TRIO: variants seen among roughly 807,000 people sequenced by gnomAD.
The protein encoded by TRIO is triple functional domain protein.
TRIO carries 58 observed loss-of-function variants against 351.9 expected under a neutral mutation model. The observed-to-expected ratio is 0.16, with a 90% CI of 0.13 to 0.21. The LOEUF (loss-of-function observed/expected upper bound fraction) is 0.21. Ranked by LOEUF, TRIO falls within the 10% of genes least tolerant of loss-of-function variation. The pLI, the probability that TRIO is intolerant of heterozygous loss-of-function variation, is 1.00. For missense variants in TRIO, 3,201 were observed against 4,027.8 expected (o/e 0.79, Z 5.56); for synonymous variants, 1,758 against 1,595.7 (o/e 1.10, Z -2.42).
intron 41 of TRIO, among the ~76,000 whole-genome samples, chr5:14,477,581 C>T (rs1398321756): frequency 1.3e-5 from 2 of 152,206 alleles, no homozygotes; most frequent in Non-Finnish European, 2.9e-5. Context: ...CAGATAATTA[C>T]ATAGTTTTCT....
chr5:14,300,698 T>G (rs1737798573), intron 7 of TRIO, among the ~76,000 whole-genome samples: 1 of 152,210 alleles, frequency 6.6e-6, no homozygotes, highest in Non-Finnish European at 1.5e-5. Flanking sequence ...GACTGTAGTA[T>G]TATTGTCCTG....
chr5:14,175,797 G>A (rs2152131132), intron 1 of TRIO, among the ~76,000 whole-genome samples: 1 of 152,336 alleles, frequency 6.6e-6, no homozygotes, highest in Non-Finnish European at 1.5e-5. Flanking sequence ...CGCAAAATCT[G>A]TGCGAGTCAT....
chr5:14,152,360 T>TTTTC (rs1787890204), intron 1 of TRIO, among the ~76,000 whole-genome samples: 1 of 151,056 alleles, frequency 6.6e-6, no homozygotes, highest in Non-Finnish European at 1.5e-5. Context: ...ATTTCAGTTT[T>TTTTC]TTTGTTTGTT....
intron 41 of TRIO, 183 bp downstream of exon 41, chr5:14,477,146 C>G: frequency 1.8e-6 from 1 of 568,930 alleles, no homozygotes; most frequent in Non-Finnish European, 3.0e-6. Context: ...TACCTGCTTT[C>G]CCAGTCACCT....
Position 14,481,290 on chromosome 5 carries a change from T to TG in TRIO, c.6387+7dup. The TG allele has an allele frequency of 6.2e-7, 1 of 1,613,704 alleles. No homozygotes were observed. The highest frequency in any genetic ancestry group is 8.5e-7 in the Non-Finnish European group (1 of 1,179,884). ...TGGATACATCAGAATTAGAGGTACA[T>TG]GCATCAGCGGCTGTGGGCACCCAAA... On this transcript the variant is annotated splice_region_variant and intron_variant, in intron 44 of 56. Coordinates refer to ENST00000344204, the MANE Select transcript of TRIO (RefSeq NM_007118.4).
At chr5:14,412,089 G>A (rs2152384483) in intron 33 of TRIO, among the ~76,000 whole-genome samples, 1 of 151,464 alleles carries the variant, frequency 6.6e-6, no homozygotes, top group South Asian at 2.1e-4. Context: ...CCAGGTTCAA[G>A]TGATTCTCCT....
At chr5:14,318,279 CAAAA>C (rs759632595) in intron 9 of TRIO, among the ~76,000 whole-genome samples, 1 of 46,478 alleles carries the variant, frequency 2.2e-5, no homozygotes, top group Non-Finnish European at 4.1e-5. Flanking sequence ...GACTCTATCT[CAAAA>C]AAAAAAAAAA....
At chr5:14,217,534 A>G (rs1792300890) in intron 1 of TRIO, among the ~76,000 whole-genome samples, 1 of 152,230 alleles carries the variant, frequency 6.6e-6, no homozygotes, top group Non-Finnish European at 1.5e-5. Flanking sequence ...GCCAGCCACG[A>G]CAGCTGCAGC....
Position 14,316,482 on chromosome 5 carries a change from G to A in TRIO, c.1501-31G>A, listed in dbSNP as rs201310221. ...CACAGCCTAGGCCAAACCTCAGATC[G>A]TGAAGAATCACTCATTTCTTTTGTG... is the stretch of plus-strand genomic sequence containing the variant. On this transcript the variant is annotated intron_variant, in intron 8 of 56. Transcript: ENST00000344204. 2.5e-5 allele frequency: 40 copies of A among 1,610,556 alleles called. No homozygotes were observed. In the South Asian group the frequency reaches 3.2e-4, roughly 13 times the overall value.
chr5:14,463,314 T>C (rs1264648332), intron 36 of TRIO, among the ~76,000 whole-genome samples: 1 of 152,200 alleles, frequency 6.6e-6, no homozygotes, highest in Non-Finnish European at 1.5e-5. Context: ...CCATCTCCCC[T>C]CTGTGAGGTT....
rs754017032 is a variant in TRIO, at chr5:14,316,761, C to A, written c.1731+18C>A. On this transcript the variant is annotated intron_variant, in intron 9 of 56. Coordinates refer to ENST00000344204, the MANE Select transcript of TRIO (RefSeq NM_007118.4). The stretch of plus-strand genomic sequence containing the variant: ...TTCAGCAGGTCAGTTTCGCCTCATG[C>A]CCTTCTGCATGGGAAATGGCTTGTG... The A allele has an allele frequency of 2.3e-5, 37 of 1,603,794 alleles. No individual in the cohort carries two copies. The South Asian group carries it at 3.9e-4, about 17-fold the overall frequency.
At chr5:14,257,821 A>T (rs181842663) in intron 1 of TRIO, among the ~76,000 whole-genome samples, 1 of 152,388 alleles carries the variant, frequency 6.6e-6, no homozygotes, top group Admixed American at 6.5e-5. Context: ...TTAACAGAAT[A>T]CAATAATTTT....
chr5:14,143,960 C>G (rs1476956261), intron 1 of TRIO, 78 bp downstream of exon 1: 1 of 994,268 alleles, frequency 1.0e-6, no homozygotes, highest in Non-Finnish European at 1.2e-6. Flanking sequence ...CTGCCGAGCT[C>G]CGGCCACCGC....
In TRIO at chr5:14,143,569, GCCGCCGCCGCCCCCCGCCGC is replaced by G. The variant is rs1423196777; in HGVS notation, c.-154_-135del. 3.1e-5 allele frequency: 5 copies of G among 160,242 alleles called. No individual in the cohort carries two copies. The highest frequency in any genetic ancestry group is 6.4e-5 in the Non-Finnish European group (5 of 77,868). The allele number at this position is 160,242 out of a possible 1,614,324, so 9.9% of individuals were successfully genotyped here. On this transcript the variant is annotated 5_prime_UTR_variant, in exon 1 of 57. It removes the in-frame stop codon of an upstream open reading frame in the 5' UTR. Transcript: ENST00000344204. ...GTGGGCGCGCTCCTTGGGCCGAGCC[GCCGCCGCCGCCCCCCGCCGC>G]CCCGGGGCTCTGCGTCCGCGCGCCG...
intron 1 of TRIO, among the ~76,000 whole-genome samples, chr5:14,220,388 A>G (rs1004680589): frequency 1.3e-5 from 2 of 152,172 alleles, no homozygotes; most frequent in African/African-American, 4.8e-5. Context: ...TTGAGACACA[A>G]CGATATTGAA....
chr5:14,298,854 T>G (rs911373280), intron 7 of TRIO, among the ~76,000 whole-genome samples: 1 of 152,224 alleles, frequency 6.6e-6, no homozygotes, highest in Admixed American at 6.5e-5. Context: ...AAACAACTTT[T>G]TAAAGTAACA....
intron 34 of TRIO, among the ~76,000 whole-genome samples, chr5:14,456,828 C>A (rs1343064336): frequency 1.3e-5 from 2 of 152,160 alleles, no homozygotes; most frequent in African/African-American, 4.8e-5. Context: ...ATTTAGTGGG[C>A]AAAGTCTATA....
intron 1 of TRIO, among the ~76,000 whole-genome samples, chr5:14,217,821 A>G (rs1399687170): frequency 6.6e-6 from 1 of 152,190 alleles, no homozygotes; most frequent in Non-Finnish European, 1.5e-5. Flanking sequence ...GGGCATTCCC[A>G]GCCTGACACA....
intron 5 of TRIO, 131 bp from the exon 6 acceptor site, chr5:14,292,881 A>G (rs1178216235): frequency 2.5e-5 from 33 of 1,301,572 alleles, no homozygotes; most frequent in Non-Finnish European, 3.3e-5. Flanking sequence ...GACTCTTCTG[A>G]GAGAATCAGA....
Sources: gnomAD v4.1 joint callset for allele counts (sites outside exome capture counted in the v4.1 genomes callset) on GRCh38, gnomAD v4.1.1 for gene constraint, MANE v1.5 for transcripts, NCBI Gene and HGNC (gene_info 2026-07-23, HGNC 2026-07-21) for gene names.